CTNNA2: variants seen among roughly 807,000 people sequenced by gnomAD.
CTNNA2 encodes the protein catenin alpha-2.
A neutral mutation model predicts 101.0 loss-of-function variants in CTNNA2; 42 were observed. The observed-to-expected ratio is 0.42, with a 90% confidence interval of 0.32 to 0.54. The LOEUF (loss-of-function observed/expected upper bound fraction) is 0.54. Ranked by LOEUF, CTNNA2 falls within the 20% of genes least tolerant of loss-of-function variation. The pLI is 0.14. For missense variants in CTNNA2, 871 were observed against 1,223.1 expected, an observed-to-expected ratio of 0.71 and a Z score of 4.29; for synonymous variants, 450 against 456.4, an observed-to-expected ratio of 0.99 and a Z score of 0.18.
intron 9 of CTNNA2, among the ~76,000 whole-genome samples, chr2:80,515,687 C>T (rs370052573): frequency 1.3e-5 from 2 of 152,298 alleles, no homozygotes; most frequent in East Asian, 3.9e-4. Flanking sequence ...TTTTATTATT[C>T]ACCACATGAG....
chr2:79,524,638 T>G (rs1672302306), intron 1 of CTNNA2: 1 of 151,922 alleles, frequency 6.6e-6, no homozygotes, highest in Non-Finnish European at 1.5e-5. Context: ...TTTAAATAAT[T>G]TTTTGTCTTC....
intron 7 of CTNNA2, among the ~76,000 whole-genome samples, chr2:80,079,476 G>C (rs910707517): frequency 6.6e-6 from 1 of 152,130 alleles, no homozygotes; most frequent in African/African-American, 2.4e-5. Context: ...AGAAGAAAGA[G>C]AGATAGCCCT....
chr2:79,825,190 A>C (rs1678327878), intron 3 of CTNNA2, among the ~76,000 whole-genome samples: 1 of 152,186 alleles, frequency 6.6e-6, no homozygotes, highest in African/African-American at 2.4e-5. Context: ...TCCTGGCTCC[A>C]TAGGATTGTT....
intron 7 of CTNNA2, among the ~76,000 whole-genome samples, chr2:80,250,292 T>C (rs1013442673): frequency 6.6e-6 from 1 of 151,690 alleles, no homozygotes; most frequent in African/African-American, 2.4e-5. Flanking sequence ...CACATGGAGA[T>C]GCCCAGGAGA....
intron 4 of CTNNA2, among the ~76,000 whole-genome samples, chr2:79,481,930 A>T (rs1161462569): frequency 6.6e-6 from 1 of 152,212 alleles, no homozygotes; most frequent in Admixed American, 6.5e-5. Flanking sequence ...TACATGGAAG[A>T]GGCCACATAC....
At chr2:80,148,433 C>G (rs1703487946) in intron 7 of CTNNA2, among the ~76,000 whole-genome samples, 1 of 152,204 alleles carries the variant, frequency 6.6e-6, no homozygotes, top group Admixed American at 6.5e-5. Flanking sequence ...CTGGCATGTT[C>G]CAGTCCTTGC....
chr2:79,717,170 G>T (rs1170033109), intron 2 of CTNNA2, among the ~76,000 whole-genome samples: 1 of 152,020 alleles, frequency 6.6e-6, no homozygotes, highest in Admixed American at 6.6e-5. Context: ...TAAGACTTTT[G>T]GCACTATTTA....
chr2:79,369,562 A>G (rs1677825201), intron 3 of CTNNA2, among the ~76,000 whole-genome samples: 1 of 152,146 alleles, frequency 6.6e-6, no homozygotes, highest in African/African-American at 2.4e-5. Context: ...CCTGCTCAGC[A>G]ACCTACAGAA....
Position 79,230,830 on chromosome 2 carries a change from G to T in CTNNA2, c.-406+32754G>T, listed in dbSNP as rs373565194. Among the ~76,000 whole-genome samples the T allele has an allele frequency of 4.6e-5, 7 of 152,370 alleles. No homozygotes were observed. In the East Asian group the frequency reaches 1.2e-3, roughly 25 times the overall value. On this transcript the variant is annotated intron_variant, in intron 2 of 21. Transcript: ENST00000466387. ...CCTCTTGCATCAGGATGACCTGGAT[G>T]CAAGACATGGAGTCAAATATCATTT...
intron 2 of CTNNA2, among the ~76,000 whole-genome samples, chr2:79,679,766 G>A (rs1174194247): frequency 2.0e-5 from 3 of 152,110 alleles, no homozygotes; most frequent in Admixed American, 6.5e-5. Context: ...AGGAAGACAG[G>A]AGGGACCAGT....
chr2:79,324,529 G>A (rs1374478759), intron 3 of CTNNA2, among the ~76,000 whole-genome samples: 1 of 152,156 alleles, frequency 6.6e-6, no homozygotes, highest in African/African-American at 2.4e-5. Flanking sequence ...AGGCTAGTAA[G>A]TCAAGACAGG....
At chr2:79,727,256 G>T (rs2104898291) in intron 2 of CTNNA2, among the ~76,000 whole-genome samples, 1 of 152,274 alleles carries the variant, frequency 6.6e-6, no homozygotes, top group African/African-American at 2.4e-5. Flanking sequence ...TTGAAAGCTT[G>T]TTAAAAACAC....
chr2:80,623,938 T>A (rs1474631499), intron 18 of CTNNA2, among the ~76,000 whole-genome samples: 1 of 151,782 alleles, frequency 6.6e-6, no homozygotes, highest in African/African-American at 2.4e-5. Flanking sequence ...CTCAAGAAAA[T>A]TGGTTTAAAT....
chr2:80,004,524 C>T (rs1693189129), intron 7 of CTNNA2, among the ~76,000 whole-genome samples: 1 of 152,060 alleles, frequency 6.6e-6, no homozygotes, highest in South Asian at 2.1e-4. Flanking sequence ...TGGGTCAATG[C>T]TTTACCTGCA....
chr2:79,618,591 C>T (rs1678793796), intron 1 of CTNNA2, among the ~76,000 whole-genome samples: 1 of 152,126 alleles, frequency 6.6e-6, no homozygotes, highest in South Asian at 2.1e-4. Flanking sequence ...TTAAGTCCCT[C>T]AGTGGATTCC....
intron 2 of CTNNA2, among the ~76,000 whole-genome samples, chr2:79,258,786 C>G (rs1406325098): frequency 1.4e-5 from 2 of 144,236 alleles, no homozygotes; most frequent in Admixed American, 7.3e-5. Context: ...ACTTGTGCAC[C>G]TAGGCCTACA....
At chr2:79,952,924 A>G (rs1688983850) in intron 7 of CTNNA2, among the ~76,000 whole-genome samples, 1 of 152,180 alleles carries the variant, frequency 6.6e-6, no homozygotes, top group Non-Finnish European at 1.5e-5. Flanking sequence ...GTTAACTTGT[A>G]TTATTTATAC....
intron 4 of CTNNA2, among the ~76,000 whole-genome samples, chr2:79,375,359 C>T (rs928892653): frequency 2.6e-5 from 4 of 152,064 alleles, no homozygotes; most frequent in South Asian, 2.1e-4. Context: ...TATTTCTGAC[C>T]GTGCCTGGCA....
rs1687130442 is a variant in CTNNA2, at chr2:79,730,504, G to A, written c.103-13883G>A. Among the ~76,000 whole-genome samples the A allele has an allele frequency of 2.0e-5, 3 of 151,704 alleles. No homozygotes were observed. The South Asian group carries it at 6.2e-4, about 31-fold the overall frequency. On this transcript the variant is annotated intron_variant, in intron 2 of 18. Coordinates refer to ENST00000402739, the MANE Select transcript of CTNNA2 (RefSeq NM_001282597.3). ...GCTTGTGTTAAACTTATCTCCCTGTGGCTTTCAAGTATAATTTTCTTCATA... is the reference window on the plus strand; with the variant it reads ...GCTTGTGTTAAACTTATCTCCCTGTAGCTTTCAAGTATAATTTTCTTCATA...
Sources: allele counts gnomAD v4.1 joint callset (sites outside exome capture counted in the v4.1 genomes callset), GRCh38; gene constraint gnomAD v4.1.1; transcripts MANE v1.5; gene names NCBI Gene and HGNC (gene_info 2026-07-23, HGNC 2026-07-21).